The following GPC4 variants were observed in gnomAD, a reference collection of about 807,000 sequenced individuals.
The protein encoded by GPC4 is glypican-4.
GPC4 carries 10 observed loss-of-function variants against 35.0 expected under a neutral mutation model. That is an observed-to-expected ratio of 0.29 (90% CI 0.18 to 0.48). GPC4 has a LOEUF of 0.48. Ranked by LOEUF, GPC4 falls within the 20% of genes least tolerant of loss-of-function variation. GPC4 has a pLI of 0.99. For missense variants in GPC4, 322 were observed against 451.3 expected (o/e 0.71, Z 2.60); for synonymous variants, 167 against 170.2 (o/e 0.98, Z 0.15).
chrX:133,324,077 C>T, intron 3 of GPC4, 68 bp downstream of exon 3: 1 of 1,103,993 alleles, frequency 9.1e-7, no homozygotes, highest in Non-Finnish European at 1.2e-6. Context: ...TTCTACCTTT[C>T]CCAAACATTC....
chrX:133,359,702 G>A (rs1264985203), intron 1 of GPC4, among the ~76,000 whole-genome samples: 1 of 111,255 alleles, frequency 9.0e-6, no homozygotes, highest in Non-Finnish European at 1.9e-5. Flanking sequence ...CGGCAGGTCA[G>A]AGGTACTAGA....
intron 1 of GPC4, among the ~76,000 whole-genome samples, chrX:133,356,002 T>C (rs1259928039): frequency 8.9e-6 from 1 of 111,963 alleles, no homozygotes; most frequent in Non-Finnish European, 1.9e-5. Context: ...ATTAAACCTC[T>C]TTTCTTTATA....
intron 2 of GPC4, among the ~76,000 whole-genome samples, chrX:133,338,387 A>G (rs1477545533): frequency 8.9e-6 from 1 of 112,118 alleles, no homozygotes; most frequent in Non-Finnish European, 1.9e-5. Flanking sequence ...CTTCATAAAA[A>G]TCTTCAAACT....
Position 133,404,546 on chromosome X carries a change from C to CAAAAAAAAAAAAAAAAAA in GPC4, c.160+10242_160+10259dup, listed in dbSNP as rs766777711. ...TGGGCAATAGAGCAAGACTCTGCCTCAAAAAAAAAAAAAAAAAAAGAAGGT... is the reference window on the plus strand; with the variant it reads ...TGGGCAATAGAGCAAGACTCTGCCTCAAAAAAAAAAAAAAAAAAAAAAAAAAAAAAAAAAAAAGAAGGT... On this transcript the variant is annotated intron_variant, in intron 1 of 8. Transcript: ENST00000370828. Among the ~76,000 whole-genome samples the CAAAAAAAAAAAAAAAAAA allele has an allele frequency of 3.2e-4, 12 of 37,366 alleles. 2 individuals are homozygous for CAAAAAAAAAAAAAAAAAA. The highest frequency in any genetic ancestry group is 9.8e-4 in the East Asian group (1 of 1,016). 32.4% of individuals were successfully genotyped at this position (37,366 alleles called of 115,157 possible).
chrX:133,390,691 T>C lies in GPC4; in HGVS notation c.160+24115A>G, dbSNP rs766379864. Reference sequence around the variant, plus strand: ...ATGCAATGAGGAAAGAGCTTTCCTCTTATTCCCCTTATCTTTCCAGATCAT... The same window carrying C: ...ATGCAATGAGGAAAGAGCTTTCCTCCTATTCCCCTTATCTTTCCAGATCAT... On this transcript the variant is annotated intron_variant, in intron 1 of 8. Transcript: ENST00000370828. Among the ~76,000 whole-genome samples the C allele has an allele frequency of 4.4e-5, 5 of 112,560 alleles. No individual in the cohort carries two copies. In the South Asian group the frequency reaches 1.9e-3, roughly 42 times the overall value.
intron 2 of GPC4, among the ~76,000 whole-genome samples, chrX:133,331,355 G>T (rs1469133984): frequency 8.9e-6 from 1 of 111,775 alleles, no homozygotes; most frequent in African/African-American, 3.3e-5. Flanking sequence ...GTAAGCTAGG[G>T]AGCTGGAGGA....
At chrX:133,335,352 G>C (rs113769605) in intron 2 of GPC4, among the ~76,000 whole-genome samples, 40 of 111,345 alleles carry the variant, frequency 3.6e-4, no homozygotes, top group African/African-American at 1.1e-3. Context: ...ACAGAGGCCA[G>C]TCTTTAAACT....
rs370997173 is a variant in GPC4, at chrX:133,362,213, C to CA, written c.161-22873dup. On this transcript the variant is annotated intron_variant, in intron 1 of 8. Coordinates refer to ENST00000370828, the MANE Select transcript of GPC4 (RefSeq NM_001448.3). The stretch of plus-strand genomic sequence containing the variant: ...TGGGTGACAGAGTAAGACTCTGTCT[C>CA]AAAAAAAAAAAGAAAGGAAGGAAAG... 1.0e-2 allele frequency among the ~76,000 whole-genome samples: 721 copies of CA among 72,265 alleles called. 10 individuals carry two copies. The highest frequency in any genetic ancestry group is 0.032 in the African/African-American group (614 of 18,991). The allele number at this position is 72,265 out of a possible 115,157, so 62.8% of individuals were successfully genotyped here.
intron 1 of GPC4, among the ~76,000 whole-genome samples, chrX:133,346,287 G>A (rs1452861392): frequency 8.9e-6 from 1 of 111,795 alleles, no homozygotes; most frequent in African/African-American, 3.2e-5. Context: ...TTAGTTATAG[G>A]AAGTCAGCAT....
At chrX:133,366,058 T>C (rs2068588488) in intron 1 of GPC4, among the ~76,000 whole-genome samples, 1 of 111,889 alleles carries the variant, frequency 8.9e-6, no homozygotes, top group South Asian at 3.8e-4. Flanking sequence ...TTCCAAGTGT[T>C]TACATGCTAT....
chrX:133,301,607 A>T lies in GPC4; in HGVS notation c.*1260T>A, dbSNP rs1457647527. 5 of 112,313 alleles carry T rather than the reference A, an allele frequency of 4.5e-5. No homozygotes were observed. The highest frequency in any genetic ancestry group is 1.6e-4 in the African/African-American group (5 of 30,965). 9.3% of individuals were successfully genotyped at this position (112,313 alleles called of 1,213,427 possible). A position where few individuals can be genotyped will look rare whatever the true frequency, so the allele number is the denominator to read the frequency against. On this transcript the variant is annotated 3_prime_UTR_variant, in exon 9 of 9. Transcript: ENST00000370828. The stretch of plus-strand genomic sequence containing the variant: ...AACACATACAAAAATCTGGACACCT[A>T]GTTCTCCCCTAAGTGGGCTCCTTGG...
At chrX:133,409,195 T>C (rs2068802176) in intron 1 of GPC4, among the ~76,000 whole-genome samples, 1 of 105,416 alleles carries the variant, frequency 9.5e-6, no homozygotes, top group African/African-American at 3.5e-5. Flanking sequence ...TAGTGGCTCA[T>C]GCCTATAATC....
chrX:133,394,478 T>C (rs2068733677), intron 1 of GPC4, among the ~76,000 whole-genome samples: 1 of 109,870 alleles, frequency 9.1e-6, no homozygotes, highest in African/African-American at 3.3e-5. Flanking sequence ...GAGAGCAGAG[T>C]TGATCAGGGC....
chrX:133,323,393 T>C (rs762874928), intron 3 of GPC4, among the ~76,000 whole-genome samples: 5 of 111,646 alleles, frequency 4.5e-5, no homozygotes, highest in Non-Finnish European at 7.5e-5. Context: ...GGCAGGAGAA[T>C]TGCTTGAGCC....
At chrX:133,386,180 A>G (rs954933715) in intron 1 of GPC4, among the ~76,000 whole-genome samples, 4 of 105,471 alleles carry the variant, frequency 3.8e-5, no homozygotes. Context: ...GGTTGCAGTG[A>G]GCTATGATTG....
intron 1 of GPC4, among the ~76,000 whole-genome samples, chrX:133,400,070 T>A (rs777105324): frequency 1.4e-4 from 16 of 112,267 alleles, no homozygotes; most frequent in Non-Finnish European, 3.0e-4. Context: ...GAAGGATGTG[T>A]CTCCCCAGTT....
chrX:133,366,864 C>T (rs1355727174), intron 1 of GPC4, among the ~76,000 whole-genome samples: 1 of 112,015 alleles, frequency 8.9e-6, no homozygotes, highest in African/African-American at 3.2e-5. Context: ...AATCAGATTG[C>T]AAGCCAAGTC....
chrX:133,349,019 A>C (rs2068505474), intron 1 of GPC4, among the ~76,000 whole-genome samples: 1 of 112,246 alleles, frequency 8.9e-6, no homozygotes, highest in South Asian at 3.7e-4. Flanking sequence ...AGCAGCCTAG[A>C]CAGAAAACGC....
chrX:133,319,855 T>C (rs2068356371), intron 3 of GPC4, among the ~76,000 whole-genome samples: 2 of 111,997 alleles, frequency 1.8e-5, no homozygotes, highest in African/African-American at 6.5e-5. Context: ...TAACTGGCTG[T>C]CATACTCCAA....
Sources: allele counts gnomAD v4.1 joint callset (sites outside exome capture counted in the v4.1 genomes callset), GRCh38; gene constraint gnomAD v4.1.1; transcripts MANE v1.5; gene names NCBI Gene and HGNC (gene_info 2026-07-23, HGNC 2026-07-21).